The following TMOD1 variants were observed in gnomAD, a reference collection of about 807,000 sequenced individuals.
TMOD1 encodes tropomodulin 1, also known as tropomodulin-1.
In TMOD1, 17 loss-of-function variants were observed where a neutral mutation model predicts 40.6. That is an observed-to-expected ratio of 0.42 (90% CI 0.29 to 0.63). The LOEUF (loss-of-function observed/expected upper bound fraction) is 0.63, where lower values mean the gene tolerates loss of function less well. TMOD1 is among the 20% of genes least tolerant of loss of function. The pLI, the probability that TMOD1 is intolerant of heterozygous loss-of-function variation, is 0.22. For missense variants in TMOD1, 391 were observed against 447.6 expected (o/e 0.87, Z 1.14); for synonymous variants, 181 against 175.0 (o/e 1.03, Z -0.27).
intron 8 of TMOD1, among the ~76,000 whole-genome samples, chr9:97,582,386 T>A (rs1294103883): frequency 5.4e-5 from 8 of 148,574 alleles, no homozygotes; most frequent in Admixed American, 2.0e-4. Flanking sequence ...AGTACCATGC[T>A]GTTTTGGTTA....
At chr9:97,528,667 AG>A (rs1490044292) in intron 2 of TMOD1, among the ~76,000 whole-genome samples, 2 of 152,160 alleles carry the variant, frequency 1.3e-5, no homozygotes, top group African/African-American at 4.8e-5. Context: ...GCACAGGGAG[AG>A]GCCAAAGATA....
At chr9:97,515,873 C>T (rs540974714) in intron 1 of TMOD1, among the ~76,000 whole-genome samples, 12 of 152,252 alleles carry the variant, frequency 7.9e-5, no homozygotes, top group African/African-American at 2.9e-4. Context: ...GGTGACAACA[C>T]GCCCCCGGGG....
chr9:97,504,184 T>C (rs1183019191), intron 1 of TMOD1, among the ~76,000 whole-genome samples: 3 of 152,260 alleles, frequency 2.0e-5, no homozygotes, highest in East Asian at 1.9e-4. Flanking sequence ...CCCCATTTCA[T>C]AGGGGCTGCT....
At chr9:97,570,158 G>C (rs115447756) in intron 8 of TMOD1, among the ~76,000 whole-genome samples, 414 of 152,254 alleles carry the variant, frequency 2.7e-3, no homozygotes, top group African/African-American at 9.5e-3. Flanking sequence ...ATCATAACAG[G>C]CATGTAACCC....
At chr9:97,543,597 T>C (rs1466975830) in intron 2 of TMOD1, among the ~76,000 whole-genome samples, 10 of 152,254 alleles carry the variant, frequency 6.6e-5, no homozygotes, top group Admixed American at 5.9e-4. Context: ...TTGCCCAAGA[T>C]TGTGTAGTTG....
Position 97,502,612 on chromosome 9 carries a change from C to T in TMOD1, c.-49+809C>T, listed in dbSNP as rs1161085958. On this transcript the variant is annotated intron_variant, in intron 1 of 9. Transcript: ENST00000259365. The surrounding 1 kb of genome is among the most constrained non-coding windows in gnomAD (Gnocchi z 6.1). ...CCTGCGCTCCCCACACCTGTTCACC[C>T]TCTCCGGGCCTGGGACGCTGGGGTC... Among the ~76,000 whole-genome samples the T allele has an allele frequency of 1.3e-5, 2 of 152,188 alleles. No homozygotes were observed. The highest frequency in any genetic ancestry group is 2.9e-5 in the Non-Finnish European group (2 of 68,024).
intron 8 of TMOD1, among the ~76,000 whole-genome samples, chr9:97,578,202 C>A (rs1017645558): frequency 6.6e-6 from 1 of 152,112 alleles, no homozygotes; most frequent in African/African-American, 2.4e-5. Flanking sequence ...ACTACAGGTG[C>A]GCTCCACCAT....
At chr9:97,539,971 C>CAAAAAAAAAAAAAAAAAAAAAA (rs34844299) in intron 2 of TMOD1, among the ~76,000 whole-genome samples, 1 of 71,960 alleles carries the variant, frequency 1.4e-5, no homozygotes, top group African/African-American at 5.4e-5. Context: ...GACTCTGTCT[C>CAAAAAAAAAAAAAAAAAAAAAA]AAAAAAAAAA....
rs539001773 is a variant in TMOD1 at position 97,591,251 on chromosome 9, G to A, written c.871-40G>A. 3.9e-6 allele frequency: 6 copies of A among 1,550,980 alleles called. No homozygotes were observed. The East Asian group carries it at 1.5e-4, about 38-fold the overall frequency. The stretch of plus-strand genomic sequence containing the variant: ...AGGCACTGTACACATGGAATGAGTG[G>A]TGATTTTATTTTTTATTTTTTATTT... On this transcript the variant is annotated intron_variant, in intron 8 of 9. Transcript: ENST00000259365.
chr9:97,565,788 G>A, intron 6 of TMOD1, 60 bp from the exon 7 acceptor site: 1 of 1,394,238 alleles, frequency 7.2e-7, no homozygotes, highest in Non-Finnish European at 1.0e-6. Flanking sequence ...TAATCCACCT[G>A]CCTCAGCCTG....
At position 97,546,200 on chromosome 9, in the gene TMOD1, G is replaced by A. The variant is rs759813492; in HGVS notation, c.136G>A (p.Ala46Thr). 6.2e-7 allele frequency: 1 copy of A among 1,612,778 alleles called. No homozygotes were observed. Among genetic ancestry groups the A allele is most frequent in the Admixed American group, 1.7e-5 (1 of 59,818 alleles). The stretch of plus-strand genomic sequence containing the variant: ...TCCAATGTAGAATGCACTGCTGCCT[G>A]CAGGCCTGAGGCAGAAGGATCAGAC... Reference protein sequence around the residue: ...ELDPDNALLPAGLRQKDQTTK... With the variant: ...ELDPDNALLPTGLRQKDQTTK... Residue 46 changes from alanine to threonine, a missense_variant, in exon 3 of 10, where the codon GCA becomes ACA. Physicochemically the swap from Ala to Thr is moderately conservative, Grantham distance 58 (BLOSUM62 0). Coordinates refer to ENST00000259365, the MANE Select transcript of TMOD1 (RefSeq NM_003275.4).
At chr9:97,564,952 G>A (rs1414082766) in intron 6 of TMOD1, among the ~76,000 whole-genome samples, 1 of 152,112 alleles carries the variant, frequency 6.6e-6, no homozygotes, top group Non-Finnish European at 1.5e-5. Flanking sequence ...CAGCCCCACG[G>A]CACCATCAGA....
intron 4 of TMOD1, among the ~76,000 whole-genome samples, chr9:97,559,794 A>AAATATATAT (rs1390791825): frequency 6.0e-4 from 14 of 23,154 alleles, no homozygotes; most frequent in Admixed American, 1.5e-3. Flanking sequence ...AAAAAAAAAA[A>AAATATATAT]ATATATATAT....
At chr9:97,508,241 G>T (rs963533793) in intron 1 of TMOD1, among the ~76,000 whole-genome samples, 14 of 151,732 alleles carry the variant, frequency 9.2e-5, no homozygotes, top group South Asian at 2.1e-4. Context: ...CAGGCTGGAG[G>T]GCAGTGGGGC....
Position 97,600,092 on chromosome 9 carries a change from ATT to A in TMOD1, c.*395_*396del. 9.8e-7 allele frequency: 1 copy of A among 1,015,886 alleles called. No individual in the cohort carries two copies. Among genetic ancestry groups the A allele is most frequent in the Non-Finnish European group, 1.2e-6 (1 of 846,246 alleles). The allele number at this position is 1,015,886 out of a possible 1,614,324, so 62.9% of individuals were successfully genotyped here. A position where few individuals can be genotyped will look rare whatever the true frequency, so the allele number is the denominator to read the frequency against. On this transcript the variant is annotated 3_prime_UTR_variant, in exon 10 of 10. Transcript: ENST00000259365. Reference sequence around the variant, plus strand: ...ACACTCTTCCACATGCTTTTGAAGTATTATAAAACACTTTATTACAAATTTGT... The same window carrying A: ...ACACTCTTCCACATGCTTTTGAAGTAATAAAACACTTTATTACAAATTTGT...
At chr9:97,526,884 GATT>G (rs1186466262) in intron 2 of TMOD1, among the ~76,000 whole-genome samples, 2 of 152,178 alleles carry the variant, frequency 1.3e-5, no homozygotes, top group Non-Finnish European at 2.9e-5. Flanking sequence ...ACCCAGGTGT[GATT>G]AAGTGGCTTC....
intron 1 of TMOD1, among the ~76,000 whole-genome samples, chr9:97,506,447 A>G (rs974604314): frequency 1.3e-5 from 2 of 152,258 alleles, no homozygotes; most frequent in African/African-American, 4.8e-5. Context: ...AAATAAATGA[A>G]TGAAGGCTCT....
rs542925941 is a variant in TMOD1 at position 97,541,967 on chromosome 9, T to C, written c.121-4218T>C. Among the ~76,000 whole-genome samples the C allele has an allele frequency of 3.9e-5, 6 of 152,372 alleles. 1 individual carries two copies. The highest frequency in any genetic ancestry group is 3.9e-4 in the Admixed American group (6 of 15,306). On this transcript the variant is annotated intron_variant, in intron 2 of 9. Transcript: ENST00000259365. ...TCACTAGTGTCCTTCGCAGCACAAA[T>C]GTTTTTAATTTTAATGAAGTCCAAG...
intron 2 of TMOD1, among the ~76,000 whole-genome samples, chr9:97,539,870 G>A (rs1830247807): frequency 2.0e-5 from 3 of 150,426 alleles, no homozygotes; most frequent in South Asian, 2.1e-4. Flanking sequence ...GGAGGCTGAG[G>A]CAGGAGAATG....
Sources: gnomAD v4.1 joint callset for allele counts (sites outside exome capture counted in the v4.1 genomes callset) on GRCh38, gnomAD v4.1.1 for gene constraint, Gnocchi (gnomAD v3.1) non-coding constraint, MANE v1.5 for transcripts, NCBI Gene and HGNC (gene_info 2026-07-23, HGNC 2026-07-21) for gene names.